KRT76: variants seen among roughly 807,000 people sequenced by gnomAD.
The protein encoded by KRT76 is keratin, type II cytoskeletal 2 oral.
KRT76 carries 47 observed loss-of-function variants against 44.9 expected under a neutral mutation model. The observed-to-expected ratio is 1.05, with a 90% CI of 0.83 to 1.33. The LOEUF is 1.33. Ranked by LOEUF, KRT76 falls within the 40% of genes most tolerant of loss-of-function variation. The probability of loss-of-function intolerance (pLI) is 0.00; values close to 1 mark genes in which losing one functional copy is unlikely to be tolerated. For synonymous variants in KRT76, 331 were observed against 294.1 expected (o/e 1.13, Z -1.28); for missense variants, 860 against 775.8 (o/e 1.11, Z -1.29).
In KRT76 at chr12:52,771,955, G is replaced by T; in HGVS notation, c.1179C>A (p.Asp393Glu). ...LQTTAGRHGD[D>E]LRNTKSEIME... ...TGATCTCACTCTTGGTGTTCCTCAGGTCATCCCCATGCCTGCCAGCTGTGG... is the reference window on the plus strand; with the variant it reads ...TGATCTCACTCTTGGTGTTCCTCAGTTCATCCCCATGCCTGCCAGCTGTGG... Residue 393 changes from aspartate to glutamate, a missense_variant, in exon 6 of 9, where the codon GAC becomes GAA. Coordinates refer to ENST00000332411, the MANE Select transcript of KRT76 (RefSeq NM_015848.4). 6 of 1,614,108 alleles carry T rather than the reference G, an allele frequency of 3.7e-6. No individual in the cohort carries two copies. The highest frequency in any genetic ancestry group is 5.1e-6 in the Non-Finnish European group (6 of 1,179,994).
At chr12:52,771,389 G>A (rs886706284) in intron 6 of KRT76, among the ~76,000 whole-genome samples, 170 bp from the exon 7 acceptor site, 1 of 152,132 alleles carries the variant, frequency 6.6e-6, no homozygotes, top group Non-Finnish European at 1.5e-5. Context: ...ATTCATCTTT[G>A]TCCCATTGAA....
rs145777357 is a variant in KRT76 at position 52,777,189 on chromosome 12, G to T, written c.103C>A (p.Arg35Ser). 6 of 1,614,174 alleles carry T rather than the reference G, an allele frequency of 3.7e-6. No homozygotes were observed. The highest frequency in any genetic ancestry group is 5.1e-6 in the Non-Finnish European group (6 of 1,180,034). Reference sequence around the variant, plus strand: ...GCCCCTCCACCAGCTCCCCCAGAGCGGGCCACACAGCTCATCCTGCTGCTG... The same window carrying T: ...GCCCCTCCACCAGCTCCCCCAGAGCTGGCCACACAGCTCATCCTGCTGCTG... ...SGSSRMSCVA[R>S]SGGAGGGACG... Residue 35 changes from arginine to serine, a missense_variant, in exon 1 of 9, where the codon CGC becomes AGC. Transcript: ENST00000332411.
At chr12:52,770,716 T>A (rs971760088) in intron 7 of KRT76, among the ~76,000 whole-genome samples, 1 of 152,232 alleles carries the variant, frequency 6.6e-6, no homozygotes, top group Admixed American at 6.5e-5. Context: ...TGGACAGCAC[T>A]GGTCTATCAC....
intron 7 of KRT76, 25 bp from the exon 8 acceptor site, chr12:52,769,608 T>G: frequency 6.3e-7 from 1 of 1,598,500 alleles, no homozygotes; most frequent in Non-Finnish European, 8.6e-7. Flanking sequence ...GAGAGGTGAA[T>G]TCTTTCTGTT....
intron 1 of KRT76, among the ~76,000 whole-genome samples, chr12:52,776,428 G>A (rs986228574): frequency 2.0e-5 from 3 of 152,196 alleles, no homozygotes; most frequent in Non-Finnish European, 4.4e-5. Context: ...AAAGCTAAGA[G>A]CATGTTTGGA....
rs1313468316 is a variant in KRT76, at chr12:52,769,664, A to G, written c.1485-81T>C. ...TTGAGAGTTCACAACTTTGGGAGCC[A>G]CGCCCTCCCATTTGCCCCACTAGGG... On this transcript the variant is annotated intron_variant, in intron 7 of 8. Transcript: ENST00000332411. 22 of 1,264,894 alleles carry G rather than the reference A, an allele frequency of 1.7e-5. No individual in the cohort carries two copies. In the Middle Eastern group the frequency reaches 5.5e-4, roughly 32 times the overall value. 78.4% of individuals were successfully genotyped at this position (1,264,894 alleles called of 1,614,324 possible). A position where few individuals can be genotyped will look rare whatever the true frequency, so the allele number is the denominator to read the frequency against.
rs1203053909 is a variant in KRT76 at position 52,771,170 on chromosome 12, A to G, written c.1313T>C (p.Met438Thr). ...CTTGGCATTGGCGTCCTTGAGGGCCATCTCTCCACGCTGCTCAGCCTCTGC... is the reference window on the plus strand; with the variant it reads ...CTTGGCATTGGCGTCCTTGAGGGCCGTCTCTCCACGCTGCTCAGCCTCTGC... Reference protein sequence around the residue: ...AIAEAEQRGEMALKDANAKLQ... With the variant: ...AIAEAEQRGETALKDANAKLQ... The change falls in exon 7 of 9, where the codon ATG becomes ACG. Residue 438 changes from methionine (M) to threonine (T), a missense_variant. Met to Thr is a moderately conservative substitution (Grantham distance 81). Transcript: ENST00000332411. 1 of 1,614,156 alleles carries G rather than the reference A, an allele frequency of 6.2e-7. No homozygotes were observed. Among genetic ancestry groups the G allele is most frequent in the African/African-American group, 1.3e-5 (1 of 75,030 alleles).
At chr12:52,770,557 T>C (rs1939164077) in intron 7 of KRT76, among the ~76,000 whole-genome samples, 1 of 152,168 alleles carries the variant, frequency 6.6e-6, no homozygotes, top group South Asian at 2.1e-4. Context: ...AGTAGCCACA[T>C]GATGCTATTT....
Position 52,775,529 on chromosome 12 carries a change from G to A in KRT76, c.674C>T (p.Ser225Leu), listed in dbSNP as rs757826922. 3 of 1,614,036 alleles carry A rather than the reference G, an allele frequency of 1.9e-6. No individual in the cohort carries two copies. The highest frequency in any genetic ancestry group is 2.5e-6 in the Non-Finnish European group (3 of 1,180,052). Residue 225 changes from serine to leucine, a missense_variant, in exon 2 of 9, where the codon TCA becomes TTA. Coordinates refer to ENST00000332411, the MANE Select transcript of KRT76 (RefSeq NM_015848.4). ...ACAAGGCTCCAGGCTGCTGGGCCCTGAGCCTGTGGTCTGCTGCTGGAGCAG... is the reference window on the plus strand; with the variant it reads ...ACAAGGCTCCAGGCTGCTGGGCCCTAAGCCTGTGGTCTGCTGCTGGAGCAG... ...WELLQQQTTGSGPSSLEPCFE... is the reference protein window; with the variant it reads ...WELLQQQTTGLGPSSLEPCFE...
chr12:52,775,005 G>A (rs1168114269), intron 2 of KRT76, among the ~76,000 whole-genome samples: 1 of 152,104 alleles, frequency 6.6e-6, no homozygotes, highest in East Asian at 1.9e-4. Context: ...ACACTCCTGG[G>A]GCCTGTCCAC....
chr12:52,771,203 G>A lies in KRT76; in HGVS notation c.1280C>T (p.Thr427Met), dbSNP rs757191054. 276 of 1,614,024 alleles carry A rather than the reference G, an allele frequency of 1.7e-4. No homozygotes were observed. The highest frequency in any genetic ancestry group is 4.9e-4 in the East Asian group (22 of 44,892). The part of the protein sequence containing the change: ...NVKKQNANLQ[T>M]AIAEAEQRGE... ...ACGCTGCTCAGCCTCTGCAATTGCCGTCTGCAGGTTGGCATTCTGAGGTAG... is the reference window on the plus strand; with the variant it reads ...ACGCTGCTCAGCCTCTGCAATTGCCATCTGCAGGTTGGCATTCTGAGGTAG... The change falls in exon 7 of 9, where the codon ACG becomes ATG. Residue 427 changes from threonine to methionine, a missense_variant. Transcript: ENST00000332411.
At chr12:52,773,728 G>C in intron 2 of KRT76, 86 bp from the exon 3 acceptor site, 1 of 1,131,460 alleles carries the variant, frequency 8.8e-7, no homozygotes, top group South Asian at 1.4e-5. Flanking sequence ...CTCCTCACCT[G>C]CGCAGAGACA....
rs1301600416 is a variant in KRT76, at chr12:52,768,781, C to G, written c.1849G>C (p.Gly617Arg). ...AAGCGGATACTGGTGCTGCCTCCAC[C>G]ACCAGACTTGTAGCCACTTCCTCCA... ...TSGGSGYKSGGGGSTSIRFSQ... is the reference protein window; with the variant it reads ...TSGGSGYKSGRGGSTSIRFSQ... Residue 617 changes from glycine (G) to arginine (R), a missense_variant, in exon 9 of 9, where the codon GGT becomes CGT. Transcript: ENST00000332411. 1 of 1,613,278 alleles carries G rather than the reference C, an allele frequency of 6.2e-7. No individual in the cohort carries two copies. The highest frequency in any genetic ancestry group is 1.7e-5 in the Admixed American group (1 of 60,024).
chr12:52,769,314 T>C (rs1029966892), intron 8 of KRT76, among the ~76,000 whole-genome samples: 4 of 152,228 alleles, frequency 2.6e-5, no homozygotes, highest in African/African-American at 9.6e-5. Context: ...CAGAAATTTC[T>C]GGTTTTCCAA....
Position 52,776,739 on chromosome 12 carries a change from C to T in KRT76, c.553G>A (p.Glu185Lys). 1 of 1,614,188 alleles carries T rather than the reference C, an allele frequency of 6.2e-7. No individual in the cohort carries two copies. Among genetic ancestry groups the T allele is most frequent in the Non-Finnish European group, 8.5e-7 (1 of 1,180,036 alleles). Reference sequence around the variant, plus strand: ...TTGTTGTTGAGGGTCTTGATCTGTTCCCGCTCCTGGGCCTTTACTTGCCCA... The same window carrying T: ...TTGTTGTTGAGGGTCTTGATCTGTTTCCGCTCCTGGGCCTTTACTTGCCCA... ...QIGQVKAQEREQIKTLNNKFA... is the reference protein window; with the variant it reads ...QIGQVKAQERKQIKTLNNKFA... The change falls in exon 1 of 9, where the codon GAA becomes AAA. Residue 185 changes from glutamate (E) to lysine (K), a missense_variant. Glu to Lys is a moderately conservative substitution (Grantham distance 56). Coordinates refer to ENST00000332411, the MANE Select transcript of KRT76 (RefSeq NM_015848.4).
chr12:52,771,278 G>A, intron 6 of KRT76, 59 bp from the exon 7 acceptor site: 1 of 1,498,116 alleles, frequency 6.7e-7, no homozygotes, highest in Non-Finnish European at 9.3e-7. Context: ...TCCTTACTAG[G>A]AGTAGATCTC....
At chr12:52,775,633 C>T (rs772638016) in intron 1 of KRT76, 31 bp from the exon 2 acceptor site, 11 of 1,591,330 alleles carry the variant, frequency 6.9e-6, no homozygotes, top group Non-Finnish European at 9.5e-6. Flanking sequence ...AAGGAGTCAG[C>T]CCCTTGAGTT....
intron 6 of KRT76, 78 bp from the exon 7 acceptor site, chr12:52,771,297 C>A: frequency 3.0e-6 from 4 of 1,320,338 alleles, no homozygotes; most frequent in Non-Finnish European, 4.3e-6. Flanking sequence ...TCTTCCCCCA[C>A]ATCCTGCATC....
At position 52,771,825 on chromosome 12, in the gene KRT76, G is replaced by A. The variant is rs200986876; in HGVS notation, c.1263+46C>T. The A allele has an allele frequency of 3.7e-4, 591 of 1,589,172 alleles. 1 individual carries two copies. Among genetic ancestry groups the A allele is most frequent in the South Asian group, 3.1e-4 (27 of 87,504 alleles). ...AGCAGAGCTTATGCTGCTTCTCTCC[G>A]GGGCCCAGAAGACCTCTGGGATCTC... On this transcript the variant is annotated intron_variant, in intron 6 of 8. Transcript: ENST00000332411.
Sources: gnomAD v4.1 joint callset for allele counts (sites outside exome capture counted in the v4.1 genomes callset) on GRCh38, gnomAD v4.1.1 for gene constraint, MANE v1.5 for transcripts, NCBI Gene and HGNC (gene_info 2026-07-23, HGNC 2026-07-21) for gene names.